Variants in CD109 observed in about 807,000 individuals in gnomAD.
CD109 encodes CD109 antigen.
In CD109, 149 loss-of-function variants were observed where a neutral mutation model predicts 165.8. The observed-to-expected ratio is 0.90, with a 90% CI of 0.79 to 1.03. The LOEUF is 1.03. CD109 is among the 50% of genes least tolerant of loss of function. The probability of loss-of-function intolerance (pLI) is 0.00; values close to 1 mark genes in which losing one functional copy is unlikely to be tolerated. For missense variants in CD109, 1,712 were observed against 1,677.8 expected, an observed-to-expected ratio of 1.02 and a Z score of -0.36; for synonymous variants, 585 against 592.1, an observed-to-expected ratio of 0.99 and a Z score of 0.18.
intron 15 of CD109, among the ~76,000 whole-genome samples, chr6:73,774,803 G>A (rs535462614): frequency 1.3e-5 from 2 of 152,148 alleles, no homozygotes; most frequent in South Asian, 2.1e-4. Context: ...TTTCTCCCAA[G>A]ACCAATTCAA....
rs1185091225 is a variant in CD109, at chr6:73,826,171, A to T, written c.*2538A>T. The T allele has an allele frequency of 1.3e-5, 2 of 152,228 alleles. No homozygotes were observed. Among genetic ancestry groups the T allele is most frequent in the Admixed American group, 6.5e-5 (1 of 15,278 alleles). The allele number at this position is 152,228 out of a possible 1,614,324, so 9.4% of individuals were successfully genotyped here. A position where few individuals can be genotyped will look rare whatever the true frequency, so the allele number is the denominator to read the frequency against. Reference sequence around the variant, plus strand: ...TTAGAGAACTTGCTCTGCTACAAGCAGTGGGCTTGGACTAAAAGTGATTAA... The same window carrying T: ...TTAGAGAACTTGCTCTGCTACAAGCTGTGGGCTTGGACTAAAAGTGATTAA... On this transcript the variant is annotated 3_prime_UTR_variant, in exon 33 of 33. Coordinates refer to ENST00000287097, the MANE Select transcript of CD109 (RefSeq NM_133493.5).
At chr6:73,796,025 A>C (rs778080193) in intron 23 of CD109, among the ~76,000 whole-genome samples, 4 of 152,090 alleles carry the variant, frequency 2.6e-5, no homozygotes, top group Non-Finnish European at 5.9e-5. Context: ...CAGTGAATAA[A>C]TCCTGTCCAT....
chr6:73,764,569 C>T (rs1401024506), intron 10 of CD109, among the ~76,000 whole-genome samples: 2 of 151,842 alleles, frequency 1.3e-5, no homozygotes, highest in Non-Finnish European at 2.9e-5. Flanking sequence ...AATCCCAGCA[C>T]TTTGGGAGGC....
chr6:73,805,302 C>T (rs183118058), intron 24 of CD109, among the ~76,000 whole-genome samples: 1 of 152,318 alleles, frequency 6.6e-6, no homozygotes, highest in Non-Finnish European at 1.5e-5. Context: ...TGTGCTGTGT[C>T]AACTCAGGGT....
At chr6:73,747,625 C>G (rs1773029576) in intron 5 of CD109, among the ~76,000 whole-genome samples, 1 of 152,166 alleles carries the variant, frequency 6.6e-6, no homozygotes, top group African/African-American at 2.4e-5. Flanking sequence ...AACTATCTAC[C>G]TTTAAAACTA....
chr6:73,811,371 T>C (rs1245170248), intron 28 of CD109, among the ~76,000 whole-genome samples: 1 of 152,060 alleles, frequency 6.6e-6, no homozygotes, highest in Admixed American at 6.6e-5. Flanking sequence ...CACTGTAACA[T>C]TGGGAAAGGA....
chr6:73,812,365 A>C, intron 29 of CD109, 95 bp downstream of exon 29: 1 of 764,362 alleles, frequency 1.3e-6, no homozygotes, highest in East Asian at 2.8e-5. Context: ...ACTTGAATAT[A>C]ATTCCTAATG....
At chr6:73,815,382 C>T (rs1318296134) in intron 30 of CD109, among the ~76,000 whole-genome samples, 2 of 151,998 alleles carry the variant, frequency 1.3e-5, no homozygotes, top group African/African-American at 2.4e-5. Flanking sequence ...ATTAATAAAA[C>T]TCAGGTCTAA....
chr6:73,761,014 A>AAAAC (rs1773601860), intron 7 of CD109, among the ~76,000 whole-genome samples: 2 of 124,324 alleles, frequency 1.6e-5, no homozygotes, highest in African/African-American at 6.3e-5. Context: ...ACTGTGTCTA[A>AAAAC]ACACACACAC....
intron 22 of CD109, among the ~76,000 whole-genome samples, chr6:73,789,729 G>A (rs1157323952): frequency 2.0e-5 from 3 of 150,626 alleles, no homozygotes; most frequent in Non-Finnish European, 2.9e-5. Flanking sequence ...CAAAGTGCTG[G>A]GATTACAGGC....
intron 5 of CD109, among the ~76,000 whole-genome samples, chr6:73,747,117 T>G (rs1417950411): frequency 6.6e-6 from 1 of 152,244 alleles, no homozygotes; most frequent in Non-Finnish European, 1.5e-5. Flanking sequence ...TCCCGATTTC[T>G]GCCTTGGCTT....
intron 22 of CD109, among the ~76,000 whole-genome samples, chr6:73,791,160 T>TACACATACAC (rs1275595339): frequency 9.0e-5 from 3 of 33,418 alleles, no homozygotes; most frequent in Admixed American, 9.1e-4. Flanking sequence ...TATATATATA[T>TACACATACAC]ATATATATAT....
intron 3 of CD109, among the ~76,000 whole-genome samples, chr6:73,726,479 C>G (rs773439932): frequency 2.6e-5 from 4 of 152,118 alleles, no homozygotes; most frequent in Non-Finnish European, 2.9e-5. Context: ...TTAGATTTCT[C>G]AATTTTATTT....
Position 73,696,291 on chromosome 6 carries a change from T to A in CD109, c.74+2T>A. On this transcript the variant is annotated splice_donor_variant, in intron 1 of 32. Coordinates refer to ENST00000287097, the MANE Select transcript of CD109 (RefSeq NM_133493.5). LOFTEE classifies it high-confidence loss of function. ...CGCCGCGCTGGCCGTGGCTCCCGGG[T>A]AGGAACGTGGGCGCGCGGGGGGCGC... 1 of 1,515,712 alleles carries A rather than the reference T, an allele frequency of 6.6e-7. No individual in the cohort carries two copies. The highest frequency in any genetic ancestry group is 8.8e-7 in the Non-Finnish European group (1 of 1,137,668). The allele number at this position is 1,515,712 out of a possible 1,614,324, so 93.9% of individuals were successfully genotyped here. A position where few individuals can be genotyped will look rare whatever the true frequency, so the allele number is the denominator to read the frequency against.
In CD109 at chr6:73,813,789, G is replaced by A. The variant is rs181776237; in HGVS notation, c.3769-1192G>A. ...ATGTAAACCCTAATACTTAGTTATG[G>A]ATGGGCATTAATTATGACCCAAGAG... On this transcript the variant is annotated intron_variant, in intron 29 of 32. Transcript: ENST00000287097. 3.0e-4 allele frequency among the ~76,000 whole-genome samples: 45 copies of A among 152,174 alleles called. No homozygotes were observed. In the South Asian group the frequency reaches 3.5e-3, roughly 12 times the overall value.
At chr6:73,771,890 G>A (rs1040099072) in intron 15 of CD109, among the ~76,000 whole-genome samples, 3 of 152,120 alleles carry the variant, frequency 2.0e-5, no homozygotes, top group Admixed American at 2.0e-4. Context: ...CCATATACTT[G>A]AAAATTGCTA....
chr6:73,758,761 A>C (rs778387819), intron 6 of CD109, among the ~76,000 whole-genome samples, 183 bp from the exon 7 acceptor site: 13 of 152,234 alleles, frequency 8.5e-5, no homozygotes, highest in Non-Finnish European at 1.6e-4. Flanking sequence ...CATCTGTCTT[A>C]ATATGTATTT....
chr6:73,754,670 AC>A (rs1400559231), intron 5 of CD109, among the ~76,000 whole-genome samples: 1 of 152,250 alleles, frequency 6.6e-6, no homozygotes, highest in Non-Finnish European at 1.5e-5. Flanking sequence ...TTTATTGAGC[AC>A]TTATTTTGTA....
chr6:73,682,323 AG>A, the CD109 span, among the ~76,000 whole-genome samples: 1 of 152,176 alleles, frequency 6.6e-6, no homozygotes, highest in Non-Finnish European at 1.5e-5. Flanking sequence ...GCCAAAACAA[AG>A]GGGCTACACG....
Sources: gnomAD v4.1 joint callset for allele counts (sites outside exome capture counted in the v4.1 genomes callset) on GRCh38, gnomAD v4.1.1 for gene constraint, MANE v1.5 for transcripts, NCBI Gene and HGNC (gene_info 2026-07-23, HGNC 2026-07-21) for gene names.